SLC35G2: variants seen among roughly 807,000 people sequenced by gnomAD.
SLC35G2 encodes the protein transmembrane protein 22.
SLC35G2 carries 20 observed loss-of-function variants against 27.2 expected under a neutral mutation model. That is an observed-to-expected ratio of 0.74 (90% CI 0.52 to 1.07). The LOEUF (loss-of-function observed/expected upper bound fraction) is 1.07, where lower values mean the gene tolerates loss of function less well. Among genes scored for constraint, SLC35G2 ranks in the 50% least tolerant of loss-of-function variants. SLC35G2 has a pLI of 0.00. For missense variants in SLC35G2, 416 were observed against 493.3 expected, an observed-to-expected ratio of 0.84 and a Z score of 1.48; for synonymous variants, 148 against 165.3, an observed-to-expected ratio of 0.90 and a Z score of 0.80.
At chr3:136,841,000 G>GTTTT (rs1035281680) in intron 1 of SLC35G2, among the ~76,000 whole-genome samples, 1 of 104,010 alleles carries the variant, frequency 9.6e-6, no homozygotes, top group African/African-American at 3.6e-5. Context: ...ATGCGATTTT[G>GTTTT]TTTTTTTTTT....
intron 1 of SLC35G2, among the ~76,000 whole-genome samples, chr3:136,847,195 A>T (rs1438152162): frequency 5.3e-5 from 8 of 151,602 alleles, no homozygotes; most frequent in East Asian, 3.8e-4. Context: ...AATAAATAAT[A>T]AATAAATAAA....
At chr3:136,850,924 G>A (rs1937604067) in intron 1 of SLC35G2, among the ~76,000 whole-genome samples, 1 of 152,134 alleles carries the variant, frequency 6.6e-6, no homozygotes, top group South Asian at 2.1e-4. Flanking sequence ...GGTCGAGGCT[G>A]CAGTGAGCAG....
intron 1 of SLC35G2, among the ~76,000 whole-genome samples, chr3:136,837,140 CACA>C (rs1936895482): frequency 6.7e-6 from 1 of 150,218 alleles, no homozygotes; most frequent in Admixed American, 6.6e-5. Context: ...TCTACACACA[CACA>C]ACACACACAC....
intron 1 of SLC35G2, among the ~76,000 whole-genome samples, chr3:136,836,552 C>T (rs571974685): frequency 6.6e-6 from 1 of 152,310 alleles, no homozygotes; most frequent in South Asian, 2.1e-4. Context: ...ATTTGTGAAA[C>T]AGCTTCTGTG....
chr3:136,845,664 C>T (rs773132862), intron 1 of SLC35G2, among the ~76,000 whole-genome samples: 29 of 150,818 alleles, frequency 1.9e-4, no homozygotes, highest in Non-Finnish European at 3.5e-4. Flanking sequence ...GGCGCGATCT[C>T]GGCTCACTGC....
intron 1 of SLC35G2, chr3:136,846,602 A>G (rs1484116338): frequency 6.6e-6 from 1 of 152,210 alleles, no homozygotes; most frequent in African/African-American, 2.4e-5. Context: ...GAAGGAGGAA[A>G]AGTTGAGTTG....
intron 1 of SLC35G2, among the ~76,000 whole-genome samples, chr3:136,829,315 G>C (rs569654953): frequency 2.6e-5 from 4 of 151,784 alleles, no homozygotes; most frequent in Non-Finnish European, 5.9e-5. Flanking sequence ...TCCGCCTCCC[G>C]GGTTCAAGCG....
At chr3:136,847,831 G>C (rs1307558234) in intron 1 of SLC35G2, among the ~76,000 whole-genome samples, 2 of 152,086 alleles carry the variant, frequency 1.3e-5, no homozygotes, top group Non-Finnish European at 2.9e-5. Flanking sequence ...AGCTGGATTT[G>C]GTGGTGGCTG....
At position 136,819,303 on chromosome 3, in the gene SLC35G2, C is replaced by T. The variant is rs564351457; in HGVS notation, c.-344C>T. ...CGCCCGACAAGGGAATGAGAGCGGACCCCGAACTCCACACACCCGCGTTTA... is the reference window on the plus strand; with the variant it reads ...CGCCCGACAAGGGAATGAGAGCGGATCCCGAACTCCACACACCCGCGTTTA... On this transcript the variant is annotated 5_prime_UTR_variant, in exon 1 of 2. Coordinates refer to ENST00000446465, the MANE Select transcript of SLC35G2 (RefSeq NM_025246.3). 1 of 152,472 alleles carries T rather than the reference C, an allele frequency of 6.6e-6. No homozygotes were observed. Among genetic ancestry groups the T allele is most frequent in the African/African-American group, 2.4e-5 (1 of 41,598 alleles). The allele number at this position is 152,472 out of a possible 1,614,324, so 9.4% of individuals were successfully genotyped here. A position where few individuals can be genotyped will look rare whatever the true frequency, so the allele number is the denominator to read the frequency against.
In SLC35G2 at chr3:136,853,730, G is replaced by T. The variant is rs75814512; in HGVS notation, c.-18-713G>T. Among the ~76,000 whole-genome samples the T allele has an allele frequency of 7.4e-3, 1,125 of 151,854 alleles. 18 individuals are homozygous for T. Among genetic ancestry groups the T allele is most frequent in the African/African-American group, 0.026 (1,072 of 41,422 alleles). On this transcript the variant is annotated intron_variant, in intron 1 of 1. Transcript: ENST00000446465. ...TCTTATTCCCCCCCTTTTTTATTCA[G>T]AATGTAAAAAGCATCTTGTGATCAT...
intron 1 of SLC35G2, among the ~76,000 whole-genome samples, chr3:136,831,909 T>G (rs1936737915): frequency 6.6e-6 from 1 of 152,144 alleles, no homozygotes; most frequent in Non-Finnish European, 1.5e-5. Flanking sequence ...TTTGCCTATT[T>G]AAAAAATTGC....
intron 1 of SLC35G2, chr3:136,820,104 TCTTTCACCCG>T (rs1936411383): frequency 6.6e-6 from 1 of 152,240 alleles, no homozygotes; most frequent in Non-Finnish European, 1.5e-5. Flanking sequence ...GGCCAGGTTT[TCTTTCACCCG>T]GCTCCGCGAG....
chr3:136,854,743 G>GA lies in SLC35G2; in HGVS notation c.290dup (p.Asn97LysfsTer27), dbSNP rs754450815. 2 of 1,614,082 alleles carry GA rather than the reference G, an allele frequency of 1.2e-6. No individual in the cohort carries two copies. The highest frequency in any genetic ancestry group is 1.7e-6 in the Non-Finnish European group (2 of 1,180,000). On this transcript the variant is annotated frameshift_variant, in exon 2 of 2. Coordinates refer to ENST00000446465, the MANE Select transcript of SLC35G2 (RefSeq NM_025246.3). LOFTEE classifies it high-confidence loss of function. ...GATTGGACAATTCCAGAGCTTTGCA[G>GA]AAAAAAACATTTTTCAATCCCGAAA...
At chr3:136,846,092 A>T (rs1937364456) in intron 1 of SLC35G2, among the ~76,000 whole-genome samples, 1 of 151,818 alleles carries the variant, frequency 6.6e-6, no homozygotes, top group Admixed American at 6.6e-5. Flanking sequence ...CAAAAGACTG[A>T]CCTCCTCCAA....
intron 1 of SLC35G2, chr3:136,842,043 ATTACT>A (rs1937121527): frequency 6.6e-6 from 1 of 152,204 alleles, no homozygotes. Flanking sequence ...TATTCAGATG[ATTACT>A]TTGAAGTATT....
At chr3:136,850,669 C>A (rs1389101798) in intron 1 of SLC35G2, among the ~76,000 whole-genome samples, 1 of 151,134 alleles carries the variant, frequency 6.6e-6, no homozygotes, top group Non-Finnish European at 1.5e-5. Context: ...TATTTGTATC[C>A]AAAAATATAC....
At chr3:136,830,981 G>A (rs1330475722) in intron 1 of SLC35G2, among the ~76,000 whole-genome samples, 6 of 152,086 alleles carry the variant, frequency 3.9e-5, no homozygotes, top group Non-Finnish European at 1.5e-5. Flanking sequence ...CACTTGCTTT[G>A]TATCTCTCTT....
intron 1 of SLC35G2, among the ~76,000 whole-genome samples, chr3:136,849,744 C>G (rs1937562409): frequency 6.6e-6 from 1 of 151,680 alleles, no homozygotes; most frequent in Non-Finnish European, 1.5e-5. Context: ...CCGCCTGCCT[C>G]AGCCTCCCAA....
chr3:136,830,719 C>A (rs1413552316), intron 1 of SLC35G2, among the ~76,000 whole-genome samples: 3 of 152,160 alleles, frequency 2.0e-5, no homozygotes, highest in East Asian at 3.8e-4. Flanking sequence ...CAGCCCACAT[C>A]ATTTCTTTTT....
Sources: gnomAD v4.1 joint callset for allele counts (sites outside exome capture counted in the v4.1 genomes callset) on GRCh38, gnomAD v4.1.1 for gene constraint, MANE v1.5 for transcripts, NCBI Gene and HGNC (gene_info 2026-07-23, HGNC 2026-07-21) for gene names.